Variants in ZNF461 observed in about 807,000 individuals in gnomAD.
ZNF461 encodes gonadotropin-inducible ovarian transcription factor-1.
Under a neutral mutation model 18.3 loss-of-function variants are expected in ZNF461, and 16 were observed. The ratio of observed to expected loss-of-function variants is 0.88; its 90% confidence interval spans 0.59 to 1.33. The LOEUF is 1.33. ZNF461 is among the 40% of genes most tolerant of loss of function. The pLI, the probability that ZNF461 is intolerant of heterozygous loss-of-function variation, is 0.00. For synonymous variants in ZNF461, 179 were observed against 216.9 expected (o/e 0.83, Z 1.54); for missense variants, 595 against 669.9 (o/e 0.89, Z 1.23).
intron 4 of ZNF461, 70 bp from the exon 5 acceptor site, chr19:36,643,932 T>C (rs986330703): frequency 5.5e-5 from 68 of 1,232,406 alleles, no homozygotes; most frequent in Admixed American, 9.3e-5. Context: ...AAAGAGAATA[T>C]CTATTTCTTT....
At chr19:36,640,135 T>G (rs2037399260) in intron 5 of ZNF461, 92 bp from the exon 6 acceptor site, 3 of 1,108,382 alleles carry the variant, frequency 2.7e-6, no homozygotes, top group South Asian at 3.5e-5. Flanking sequence ...CTGCAAATAA[T>G]TCATATAAGA....
intron 1 of ZNF461, among the ~76,000 whole-genome samples, chr19:36,665,688 G>T (rs1002588255): frequency 1.9e-5 from 2 of 104,160 alleles, no homozygotes; most frequent in African/African-American, 8.0e-5. Context: ...CAGCCACGGT[G>T]AAAGAGAGAA....
In ZNF461 at chr19:36,656,626, A is replaced by T. The variant is rs2145405377; in HGVS notation, c.137-83T>A. Reference sequence around the variant, plus strand: ...ATTTAGAACTGATTAAAATAAAAATAAATCACAGATAAAAATGGTACTTGA... The same window carrying T: ...ATTTAGAACTGATTAAAATAAAAATTAATCACAGATAAAAATGGTACTTGA... On this transcript the variant is annotated intron_variant, in intron 3 of 5. Transcript: ENST00000588268. The T allele has an allele frequency of 2.7e-6, 3 of 1,110,724 alleles. No individual in the cohort carries two copies. In the East Asian group the frequency reaches 7.4e-5, roughly 28 times the overall value. The allele number at this position is 1,110,724 out of a possible 1,614,324, so 68.8% of individuals were successfully genotyped here. A position where few individuals can be genotyped will look rare whatever the true frequency, so the allele number is the denominator to read the frequency against.
intron 1 of ZNF461, among the ~76,000 whole-genome samples, chr19:36,665,327 T>C (rs1012345646): frequency 6.6e-6 from 1 of 152,186 alleles, no homozygotes; most frequent in Non-Finnish European, 1.5e-5. Flanking sequence ...GCTGTAAGAA[T>C]TAAAGAAGAA....
At position 36,641,492 on chromosome 19, in the gene ZNF461, T is replaced by C. The variant is rs113496201; in HGVS notation, c.302-1449A>G. Among the ~76,000 whole-genome samples, 645 of 151,526 alleles carry C rather than the reference T, an allele frequency of 4.3e-3. 3 individuals are homozygous for C. The highest frequency in any genetic ancestry group is 7.1e-3 in the Non-Finnish European group (484 of 67,884). On this transcript the variant is annotated intron_variant, in intron 5 of 5. Coordinates refer to ENST00000588268, the MANE Select transcript of ZNF461 (RefSeq NM_153257.5). Reference sequence around the variant, plus strand: ...AAGATCATGCCACTGCACTCCAACCTGGGCAACAGAGTAAGACTGTCTCAG... The same window carrying C: ...AAGATCATGCCACTGCACTCCAACCCGGGCAACAGAGTAAGACTGTCTCAG...
At chr19:36,643,083 C>T (rs935542013) in intron 5 of ZNF461, among the ~76,000 whole-genome samples, 2 of 152,064 alleles carry the variant, frequency 1.3e-5, no homozygotes, top group Admixed American at 6.6e-5. Flanking sequence ...GACATGTTTA[C>T]AACAACCACT....
At chr19:36,657,070 T>TC (rs1421304790) in intron 3 of ZNF461, among the ~76,000 whole-genome samples, 1 of 151,844 alleles carries the variant, frequency 6.6e-6, no homozygotes, top group Non-Finnish European at 1.5e-5. Context: ...TCCACTTGCC[T>TC]CAGCGTCCCA....
rs1195895585 is a variant in ZNF461, at chr19:36,641,539, A to AAT, written c.302-1498_302-1497dup. Among the ~76,000 whole-genome samples the AAT allele has an allele frequency of 3.0e-3, 439 of 144,886 alleles. 2 individuals carry two copies. Among genetic ancestry groups the AAT allele is most frequent in the African/African-American group, 9.7e-3 (394 of 40,484 alleles). On this transcript the variant is annotated intron_variant, in intron 5 of 5. Coordinates refer to ENST00000588268, the MANE Select transcript of ZNF461 (RefSeq NM_153257.5). ...TCAGAAACAAACAAACAAACAACAA[A>AAT]ATATATATATATATAATATATATAT...
intron 4 of ZNF461, among the ~76,000 whole-genome samples, chr19:36,653,273 A>G (rs535168040): frequency 6.6e-6 from 1 of 152,344 alleles, no homozygotes; most frequent in East Asian, 1.9e-4. Context: ...GTTTTCATGT[A>G]CAAGTTTGTA....
At chr19:36,654,961 A>G (rs987417067) in intron 4 of ZNF461, among the ~76,000 whole-genome samples, 1 of 152,120 alleles carries the variant, frequency 6.6e-6, no homozygotes, top group Admixed American at 6.5e-5. Context: ...ATGTATTCCC[A>G]TCACCTAGCA....
Position 36,638,735 on chromosome 19 carries a change from A to T in ZNF461, c.1610T>A (p.Leu537His), listed in dbSNP as rs756276254. 1.9e-6 allele frequency: 3 copies of T among 1,614,044 alleles called. No individual in the cohort carries two copies. Among genetic ancestry groups the T allele is most frequent in the South Asian group, 2.2e-5 (2 of 91,082 alleles). Residue 537 changes from leucine (L) to histidine (H), a missense_variant, in exon 6 of 6, where the codon CTT becomes CAT. Leu to His is a moderately conservative substitution (Grantham distance 99, BLOSUM62 -3). Coordinates refer to ENST00000588268, the MANE Select transcript of ZNF461 (RefSeq NM_153257.5). ...CGKAFNHRLQ[L>H]NLHQTLHTGE... ...AGTATGAAGAGTCTGATGTAAGTTA[A>T]GTTGTAATCTATGATTAAACGCCTT...
intron 2 of ZNF461, among the ~76,000 whole-genome samples, chr19:36,661,378 C>G (rs2037816536): frequency 6.6e-6 from 1 of 151,664 alleles, no homozygotes; most frequent in Non-Finnish European, 1.5e-5. Context: ...AAACCTTAAC[C>G]CCTAAAACAG....
chr19:36,656,349 C>T, intron 4 of ZNF461, 99 bp downstream of exon 4: 1 of 922,540 alleles, frequency 1.1e-6, no homozygotes, highest in Non-Finnish European at 1.8e-6. Context: ...GTTTTGAAAT[C>T]AGGTTTTCCC....
At chr19:36,654,246 G>A (rs1187180581) in intron 4 of ZNF461, among the ~76,000 whole-genome samples, 1 of 152,150 alleles carries the variant, frequency 6.6e-6, no homozygotes, top group African/African-American at 2.4e-5. Flanking sequence ...ATATGTATGA[G>A]AATATGTACC....
At chr19:36,646,120 ATTG>A (rs796262906) in intron 4 of ZNF461, among the ~76,000 whole-genome samples, 8 of 9,646 alleles carry the variant, frequency 8.3e-4, no homozygotes, top group East Asian at 5.2e-3. Flanking sequence ...TGTTGTTGTT[ATTG>A]TTGTTGTTGT....
chr19:36,664,781 G>T lies in ZNF461; in HGVS notation c.-75C>A. ...CTGGAAGAAACTCAATCCAAAGAAG[G>T]TGTTGCTGGGAGAGAGGGGAGTTAA... On this transcript the variant is annotated 5_prime_UTR_variant, in exon 2 of 6. Coordinates refer to ENST00000588268, the MANE Select transcript of ZNF461 (RefSeq NM_153257.5). 1 of 1,198,752 alleles carries T rather than the reference G, an allele frequency of 8.3e-7. No homozygotes were observed. The highest frequency in any genetic ancestry group is 1.1e-6 in the Non-Finnish European group (1 of 892,858). 74.3% of individuals were successfully genotyped at this position (1,198,752 alleles called of 1,614,324 possible). A position where few individuals can be genotyped will look rare whatever the true frequency, so the allele number is the denominator to read the frequency against.
chr19:36,639,120 C>T lies in ZNF461; in HGVS notation c.1225G>A (p.Gly409Ser). Residue 409 changes from glycine (G) to serine (S), a missense_variant, in exon 6 of 6, where the codon GGC (glycine) becomes AGC (serine). By Grantham distance (56) the Gly-to-Ser change is moderately conservative. Transcript: ENST00000588268. ...TCATGACATTCATAAGGTTTCTTGC[C>T]AGAATGAATTTTCTGATGGTGTGAG... is the stretch of plus-strand genomic sequence containing the variant. ...SFSHHQKIHSGKKPYECHECG... is the reference protein window; with the variant it reads ...SFSHHQKIHSSKKPYECHECG... 6.2e-7 allele frequency: 1 copy of T among 1,613,690 alleles called. No individual in the cohort carries two copies. The highest frequency in any genetic ancestry group is 8.5e-7 in the Non-Finnish European group (1 of 1,179,954).
At chr19:36,653,697 G>A (rs1318664712) in intron 4 of ZNF461, among the ~76,000 whole-genome samples, 3 of 152,144 alleles carry the variant, frequency 2.0e-5, no homozygotes, top group Non-Finnish European at 4.4e-5. Flanking sequence ...CAGTATGGGG[G>A]AAAGTGCCCC....
At chr19:36,645,743 T>G (rs1401783514) in intron 4 of ZNF461, among the ~76,000 whole-genome samples, 1 of 152,216 alleles carries the variant, frequency 6.6e-6, no homozygotes, top group East Asian at 1.9e-4. Flanking sequence ...GGAGTCTGAA[T>G]GTGGATATTC....
Sources: allele counts gnomAD v4.1 joint callset (sites outside exome capture counted in the v4.1 genomes callset), GRCh38; gene constraint gnomAD v4.1.1; transcripts MANE v1.5; gene names NCBI Gene and HGNC (gene_info 2026-07-23, HGNC 2026-07-21).